Variants in GABRG3 observed in about 807,000 individuals in gnomAD.
The protein encoded by GABRG3 is gamma-aminobutyric acid receptor subunit gamma-3.
A neutral mutation model predicts 48.8 loss-of-function variants in GABRG3; 25 were observed. The observed-to-expected ratio is 0.51, with a 90% CI of 0.37 to 0.72. GABRG3 has a LOEUF of 0.72. GABRG3 is among the 30% of genes least tolerant of loss of function. The pLI is 0.00. For synonymous variants in GABRG3, 227 were observed against 217.6 expected, an observed-to-expected ratio of 1.04 and a Z score of -0.38; for missense variants, 394 against 577.9, an observed-to-expected ratio of 0.68 and a Z score of 3.26.
intron 3 of GABRG3, among the ~76,000 whole-genome samples, chr15:27,312,595 T>G (rs977176369): frequency 2.6e-5 from 4 of 152,078 alleles, no homozygotes; most frequent in Admixed American, 2.6e-4. Context: ...GAGTGGAGTT[T>G]CCAGCAGAAA....
chr15:27,308,403 A>G (rs183114165), intron 3 of GABRG3, among the ~76,000 whole-genome samples: 1,515 of 145,520 alleles, frequency 0.01, 35 homozygotes, highest in African/African-American at 0.036. Context: ...ATATAATATA[A>G]ACATATATAA....
chr15:27,470,914 G>T (rs67173295), intron 5 of GABRG3, among the ~76,000 whole-genome samples: 1,218 of 62,716 alleles, frequency 0.019, 6 homozygotes, highest in African/African-American at 0.045. Flanking sequence ...TGTTTTTTTT[G>T]TTTGTTTGTT....
At chr15:27,090,434 C>G (rs1897165167) in intron 3 of GABRG3, among the ~76,000 whole-genome samples, 1 of 152,156 alleles carries the variant, frequency 6.6e-6, no homozygotes, top group African/African-American at 2.4e-5. Context: ...TATGGGAATT[C>G]TATGTTTAAC....
rs373961400 is a variant in GABRG3 at position 27,502,175 on chromosome 15, A to T, written c.713-17797A>T. Among the ~76,000 whole-genome samples, 9 of 152,338 alleles carry T rather than the reference A, an allele frequency of 5.9e-5. 1 individual carries two copies. The East Asian group carries it at 1.5e-3, about 26-fold the overall frequency. ...CATGAAGTCTAAATTACAACCATGG[A>T]TCATGTTAACTAAGTTTATTTTCAT... On this transcript the variant is annotated intron_variant, in intron 6 of 9. Coordinates refer to ENST00000615808, the MANE Select transcript of GABRG3 (RefSeq NM_033223.5).
intron 3 of GABRG3, among the ~76,000 whole-genome samples, chr15:27,221,663 T>C (rs1484276657): frequency 6.6e-6 from 1 of 152,208 alleles, no homozygotes; most frequent in African/African-American, 2.4e-5. Flanking sequence ...GTGAATTTTG[T>C]CTTGTTACAA....
chr15:27,214,669 A>G (rs9972395), intron 3 of GABRG3, among the ~76,000 whole-genome samples: 9,511 of 150,534 alleles, frequency 0.063, 548 homozygotes, highest in East Asian at 0.16. Flanking sequence ...TTAGCCATAA[A>G]TCTAACTGAA....
intron 3 of GABRG3, among the ~76,000 whole-genome samples, chr15:27,105,334 C>T (rs1232094648): frequency 6.6e-6 from 1 of 152,094 alleles, no homozygotes; most frequent in Non-Finnish European, 1.5e-5. Context: ...TATAATTATA[C>T]TTGGAAAAGG....
intron 3 of GABRG3, among the ~76,000 whole-genome samples, chr15:27,133,060 C>A (rs1284865766): frequency 6.6e-6 from 1 of 151,732 alleles, no homozygotes; most frequent in Admixed American, 6.6e-5. Context: ...TTTCTAGGAC[C>A]TGTTGGTTGT....
At chr15:27,264,908 A>G (rs985654484) in intron 3 of GABRG3, among the ~76,000 whole-genome samples, 3 of 152,244 alleles carry the variant, frequency 2.0e-5, no homozygotes, top group South Asian at 2.1e-4. Flanking sequence ...CTTATCTTTT[A>G]TACCTTATAA....
chr15:27,001,323 C>T (rs1265807576), intron 2 of GABRG3, among the ~76,000 whole-genome samples: 1 of 152,200 alleles, frequency 6.6e-6, no homozygotes, highest in African/African-American at 2.4e-5. Context: ...GCAATTCTTG[C>T]CTTTCCTGTC....
In GABRG3 at chr15:27,387,985, G is replaced by A. The variant is rs558996929; in HGVS notation, c.574+59097G>A. On this transcript the variant is annotated intron_variant, in intron 5 of 9. Coordinates refer to ENST00000615808, the MANE Select transcript of GABRG3 (RefSeq NM_033223.5). ...GGAAGAAAGGAAGGAAAGGAAGGAG[G>A]GAGGGTAAGGAAGGAAGGAAGGAAG... Among the ~76,000 whole-genome samples, 4 of 84,598 alleles carry A rather than the reference G, an allele frequency of 4.7e-5. No homozygotes were observed. In the East Asian group the frequency reaches 1.4e-3, roughly 30 times the overall value. 55.5% of individuals were successfully genotyped at this position (84,598 alleles called of 152,430 possible). A position where few individuals can be genotyped will look rare whatever the true frequency, so the allele number is the denominator to read the frequency against.
chr15:27,288,529 G>T (rs934833512), intron 3 of GABRG3, among the ~76,000 whole-genome samples: 5 of 152,044 alleles, frequency 3.3e-5, no homozygotes, highest in Admixed American at 6.6e-5. Flanking sequence ...GCTCCTCTAA[G>T]AATCTAATGC....
At chr15:27,436,369 G>T (rs145559607) in intron 5 of GABRG3, among the ~76,000 whole-genome samples, 308 of 152,318 alleles carry the variant, frequency 2.0e-3, no homozygotes, top group African/African-American at 7.1e-3. Context: ...TGGGAATTCG[G>T]ATTTGAGCAC....
intron 3 of GABRG3, among the ~76,000 whole-genome samples, chr15:27,222,915 T>C (rs761918959): frequency 6.6e-6 from 1 of 152,200 alleles, no homozygotes; most frequent in Non-Finnish European, 1.5e-5. Context: ...CTGGCCATAC[T>C]TGGACATCCA....
intron 3 of GABRG3, among the ~76,000 whole-genome samples, chr15:27,115,713 A>G (rs1897629421): frequency 6.6e-6 from 1 of 152,168 alleles, no homozygotes; most frequent in African/African-American, 2.4e-5. Context: ...TTATCTCAAT[A>G]TATATTCTAA....
intron 2 of GABRG3, among the ~76,000 whole-genome samples, chr15:27,014,231 A>G (rs1331813001): frequency 6.6e-6 from 1 of 151,600 alleles, no homozygotes; most frequent in South Asian, 2.1e-4. Flanking sequence ...CATTTCATTG[A>G]TCTTTTCGAA....
chr15:27,224,224 A>G (rs1175921161), intron 3 of GABRG3, among the ~76,000 whole-genome samples: 1 of 152,210 alleles, frequency 6.6e-6, no homozygotes, highest in Non-Finnish European at 1.5e-5. Flanking sequence ...CGTGTGTGCC[A>G]GCACCTAAGA....
At chr15:27,351,979 G>A (rs1348970491) in intron 5 of GABRG3, among the ~76,000 whole-genome samples, 2 of 150,878 alleles carry the variant, frequency 1.3e-5, no homozygotes, top group African/African-American at 4.9e-5. Context: ...TGTATAATGT[G>A]TGTGTATGGT....
intron 3 of GABRG3, among the ~76,000 whole-genome samples, chr15:27,196,031 C>A (rs1297418850): frequency 6.6e-6 from 1 of 152,162 alleles, no homozygotes. Flanking sequence ...TTTTCACAGG[C>A]ATCTTCCCTT....
Sources: gnomAD v4.1 joint callset for allele counts (sites outside exome capture counted in the v4.1 genomes callset) on GRCh38, gnomAD v4.1.1 for gene constraint, MANE v1.5 for transcripts, NCBI Gene and HGNC (gene_info 2026-07-23, HGNC 2026-07-21) for gene names.